The following RBFOX1 variants were observed in gnomAD, a reference collection of about 807,000 sequenced individuals.
The protein encoded by RBFOX1 is RNA binding protein fox-1 homolog 1.
Under a neutral mutation model 57.7 loss-of-function variants are expected in RBFOX1, and 8 were observed. That is an observed-to-expected ratio of 0.14 (90% confidence interval 0.08 to 0.25). The LOEUF is 0.25. Ranked by LOEUF, RBFOX1 falls within the 10% of genes least tolerant of loss-of-function variation. The pLI, the probability that RBFOX1 is intolerant of heterozygous loss-of-function variation, is 1.00. For missense variants in RBFOX1, 611 were observed against 548.5 expected (o/e 1.11, Z -1.14); for synonymous variants, 326 against 222.4 (o/e 1.47, Z -4.15).
chr16:7,321,131 TTA>T (rs1568198381), intron 4 of RBFOX1, among the ~76,000 whole-genome samples: 1 of 25,100 alleles, frequency 4.0e-5, no homozygotes, highest in Non-Finnish European at 1.4e-4. Flanking sequence ...ATACATATAC[TTA>T]TACTTATATT....
intron 3 of RBFOX1, among the ~76,000 whole-genome samples, chr16:6,868,974 C>T (rs923666641): frequency 6.6e-6 from 1 of 152,100 alleles, no homozygotes; most frequent in African/African-American, 2.4e-5. Flanking sequence ...GTGAGAGAAA[C>T]CGTCTGTCAG....
chr16:6,648,740 C>G (rs1329248118), intron 2 of RBFOX1, among the ~76,000 whole-genome samples: 2 of 152,136 alleles, frequency 1.3e-5, no homozygotes, highest in African/African-American at 4.8e-5. Flanking sequence ...CAGGCAGAAG[C>G]AGACAGAGAG....
At chr16:6,489,640 A>G (rs1413657198) in intron 2 of RBFOX1, among the ~76,000 whole-genome samples, 1 of 152,214 alleles carries the variant, frequency 6.6e-6, no homozygotes, top group African/African-American at 2.4e-5. Flanking sequence ...TTTGAAACAA[A>G]AGACGTTTTT....
At chr16:5,455,895 C>A (rs192966398) in intron 1 of RBFOX1, among the ~76,000 whole-genome samples, 1 of 152,148 alleles carries the variant, frequency 6.6e-6, no homozygotes, top group South Asian at 2.1e-4. Context: ...ATATCCTTCA[C>A]GTTGGGGTGG....
chr16:5,993,415 GAGA>G (rs1293409007), intron 4 of RBFOX1, among the ~76,000 whole-genome samples: 121 of 151,366 alleles, frequency 8.0e-4, no homozygotes, highest in African/African-American at 2.6e-3. Flanking sequence ...GAGAGAGAGA[GAGA>G]GAAGGAGACA....
At chr16:5,942,385 G>A (rs1212191199) in intron 4 of RBFOX1, among the ~76,000 whole-genome samples, 3 of 152,152 alleles carry the variant, frequency 2.0e-5, no homozygotes, top group African/African-American at 4.8e-5. Flanking sequence ...GACTAGTTGA[G>A]TCATGAGTCA....
chr16:7,065,529 T>C (rs147666613), intron 4 of RBFOX1, among the ~76,000 whole-genome samples: 1,685 of 152,326 alleles, frequency 0.011, 17 homozygotes, highest in Non-Finnish European at 0.017. Flanking sequence ...TTTTCTAAAA[T>C]TGACAAATTA....
chr16:6,709,034 A>G (rs534929319), intron 3 of RBFOX1, among the ~76,000 whole-genome samples: 63 of 151,828 alleles, frequency 4.1e-4, no homozygotes, highest in Non-Finnish European at 7.4e-4. Flanking sequence ...TAATTACACC[A>G]TCTCCCCAGG....
intron 3 of RBFOX1, among the ~76,000 whole-genome samples, chr16:7,020,993 T>C (rs2038856723): frequency 6.6e-6 from 1 of 152,108 alleles, no homozygotes; most frequent in South Asian, 2.1e-4. Context: ...TTGGGCATAG[T>C]GGCAGGCATC....
At chr16:6,450,775 A>ATATATATG (rs2094578593) in intron 2 of RBFOX1, among the ~76,000 whole-genome samples, 4 of 35,194 alleles carry the variant, frequency 1.1e-4, no homozygotes, top group African/African-American at 1.5e-4. Context: ...GTGTATATAT[A>ATATATATG]TATATATATA....
Position 5,589,085 on chromosome 16 carries a change from T to C in RBFOX1, c.259-9817T>C, listed in dbSNP as rs567842403. 7.2e-5 allele frequency among the ~76,000 whole-genome samples: 11 copies of C among 151,824 alleles called. No individual in the cohort carries two copies. In the East Asian group the frequency reaches 2.1e-3, roughly 29 times the overall value. ...CAGGGCCAAGGCAGTGGGTATGGAG[T>C]GGGGTGGGAAGAAACCGCCTCCTTA... is the stretch of plus-strand genomic sequence containing the variant. On this transcript the variant is annotated intron_variant, in intron 2 of 2. Coordinates refer to the RBFOX1 transcript ENST00000585867.
rs144652244 is a variant in RBFOX1 at position 5,606,340 on chromosome 16, C to G, written c.318+7379C>G. On this transcript the variant is annotated intron_variant, in intron 3 of 19. Transcript: ENST00000641259. ...GAATTCTCCCCTCAGATCTGACCAT[C>G]CAAATTCCTAACCATTCATCCATAG... 1.8e-4 allele frequency among the ~76,000 whole-genome samples: 27 copies of G among 152,158 alleles called. 1 individual carries two copies. The East Asian group carries it at 5.3e-3, about 30-fold the overall frequency.
At chr16:6,776,529 G>C (rs542733721) in intron 3 of RBFOX1, among the ~76,000 whole-genome samples, 14 of 152,250 alleles carry the variant, frequency 9.2e-5, no homozygotes, top group African/African-American at 3.1e-4. Context: ...ACCTTGGCTA[G>C]AATTACAGAG....
chr16:6,970,142 C>T (rs1309609627), intron 3 of RBFOX1, among the ~76,000 whole-genome samples: 1 of 151,588 alleles, frequency 6.6e-6, no homozygotes, highest in East Asian at 1.9e-4. Context: ...GGTGTCACTG[C>T]ATTCCAGCCT....
chr16:7,014,936 G>C (rs996358233), intron 3 of RBFOX1, among the ~76,000 whole-genome samples: 5 of 152,110 alleles, frequency 3.3e-5, no homozygotes, highest in Admixed American at 2.6e-4. Context: ...ATATTGGCCA[G>C]GCTGGTCTCA....
intron 3 of RBFOX1, chr16:6,704,132 C>T (rs1356858801): frequency 2.6e-5 from 4 of 152,192 alleles, no homozygotes; most frequent in Non-Finnish European, 5.9e-5. Flanking sequence ...TTTCACCTTC[C>T]TCCTAGCCCC....
At chr16:5,468,487 G>T (rs2069024025) in intron 2 of RBFOX1, among the ~76,000 whole-genome samples, 2 of 152,108 alleles carry the variant, frequency 1.3e-5, no homozygotes, top group South Asian at 4.2e-4. Context: ...CAAGAAAACA[G>T]TTTGGCAGTT....
At position 5,697,052 on chromosome 16, in the gene RBFOX1, A is replaced by G. The variant is rs539580036; in HGVS notation, c.318+98091A>G. 1.0e-3 allele frequency among the ~76,000 whole-genome samples: 158 copies of G among 152,252 alleles called. 1 individual carries two copies. The highest frequency in any genetic ancestry group is 3.7e-3 in the African/African-American group (154 of 41,556). On this transcript the variant is annotated intron_variant, in intron 3 of 19. Coordinates refer to the RBFOX1 transcript ENST00000641259. ...CTCAGCCTCCCGAGTAGGTGGGACT[A>G]CAGGTGCAAATATTTCTAGATAAGT...
chr16:7,577,080 G>A (rs911600960), intron 5 of RBFOX1, among the ~76,000 whole-genome samples: 5 of 152,132 alleles, frequency 3.3e-5, no homozygotes, highest in South Asian at 2.1e-4. Flanking sequence ...GTTGCTCTTC[G>A]ACTATCACAT....
Sources: gnomAD v4.1 joint callset for allele counts (sites outside exome capture counted in the v4.1 genomes callset) on GRCh38, gnomAD v4.1.1 for gene constraint, MANE v1.5 for transcripts, NCBI Gene and HGNC (gene_info 2026-07-23, HGNC 2026-07-21) for gene names.